The following ERICH3 variants were observed in gnomAD, a reference collection of about 807,000 sequenced individuals.
The protein encoded by ERICH3 is glutamate-rich protein 3.
ERICH3 carries 126 observed loss-of-function variants against 131.1 expected under a neutral mutation model. The ratio of observed to expected loss-of-function variants is 0.96; its 90% CI spans 0.83 to 1.11. The LOEUF is 1.11. Among genes scored for constraint, ERICH3 ranks in the 50% most tolerant of loss-of-function variants. The probability of loss-of-function intolerance (pLI) is 0.00; values close to 1 mark genes in which losing one functional copy is unlikely to be tolerated. For missense variants in ERICH3, 2,050 were observed against 1,810.7 expected, an observed-to-expected ratio of 1.13 and a Z score of -2.40; for synonymous variants, 695 against 644.6, an observed-to-expected ratio of 1.08 and a Z score of -1.18.
intron 4 of ERICH3, among the ~76,000 whole-genome samples, 179 bp from the exon 5 acceptor site, chr1:74,641,638 T>C (rs537267178): frequency 3.6e-4 from 55 of 152,226 alleles, no homozygotes; most frequent in African/African-American, 1.1e-3. Context: ...GCTTTAGTTG[T>C]GCTCAAAGAA....
Position 74,571,646 on chromosome 1 carries a change from T to C in ERICH3, c.4064A>G (p.Glu1355Gly). ...CGAACCTGCCAACACCTCCCTCTCC[T>C]CTGCGGCTGTTTCTGCCGTTTCACC... is the stretch of plus-strand genomic sequence containing the variant. ...GGGETAETAA[E>G]EREVLAGSET... The change falls in exon 14 of 15, where the codon GAG becomes GGG. Residue 1355 changes from glutamate to glycine, a missense_variant. By Grantham distance (98) the Glu-to-Gly change is moderately conservative (BLOSUM62 -2). Coordinates refer to ENST00000326665, the MANE Select transcript of ERICH3 (RefSeq NM_001002912.5). 1 of 1,614,178 alleles carries C rather than the reference T, an allele frequency of 6.2e-7. No homozygotes were observed. The highest frequency in any genetic ancestry group is 8.5e-7 in the Non-Finnish European group (1 of 1,180,032).
intron 8 of ERICH3, among the ~76,000 whole-genome samples, chr1:74,614,386 A>AAAAAAAT (rs1557684072): frequency 6.6e-6 from 1 of 151,120 alleles, no homozygotes; most frequent in Non-Finnish European, 1.5e-5. Flanking sequence ...AAAAAAAAAA[A>AAAAAAAT]AAACTCGGCC....
chr1:74,585,308 C>G (rs1424356650), intron 12 of ERICH3, among the ~76,000 whole-genome samples: 1 of 152,118 alleles, frequency 6.6e-6, no homozygotes, highest in East Asian at 1.9e-4. Context: ...TTGCAGCTAG[C>G]AATTATAATC....
chr1:74,572,893 C>A lies in ERICH3; in HGVS notation c.2817G>T (p.Val939=). The A allele has an allele frequency of 6.2e-7, 1 of 1,614,054 alleles. No individual in the cohort carries two copies. Among genetic ancestry groups the A allele is most frequent in the Non-Finnish European group, 8.5e-7 (1 of 1,180,016 alleles). Residue 939 remains valine, a synonymous_variant, in exon 14 of 15, where the codon GTG becomes GTT. Transcript: ENST00000326665. ...CCTCTTCACTTTCTCCGACATCACT[C>A]ACAGCCACCCCACCCTCAGCCTCTC... The part of the protein sequence containing the change: ...EEGEAEGGVA[V]SDVGESEEEA...
chr1:74,666,614 G>C (rs960542614), intron 1 of ERICH3, among the ~76,000 whole-genome samples: 4 of 152,146 alleles, frequency 2.6e-5, no homozygotes, highest in African/African-American at 9.7e-5. Context: ...TGAAGGATGT[G>C]TTTCTTTACT....
intron 8 of ERICH3, among the ~76,000 whole-genome samples, chr1:74,613,414 G>A (rs541366648): frequency 1.1e-4 from 16 of 152,310 alleles, no homozygotes; most frequent in Admixed American, 5.9e-4. Flanking sequence ...CATACAGTGA[G>A]TTGGGGAGTT....
At position 74,611,739 on chromosome 1, in the gene ERICH3, AT is replaced by A. The variant is rs539039036; in HGVS notation, c.1187+883del. 4.6e-5 allele frequency among the ~76,000 whole-genome samples: 7 copies of A among 152,078 alleles called. No homozygotes were observed. The South Asian group carries it at 1.0e-3, about 23-fold the overall frequency. The stretch of plus-strand genomic sequence containing the variant: ...TCTCAAAAGCTATTTCAAGAAAGAA[AT>A]TTTTTTTCTGGTTTCTGTTCAAAAG... On this transcript the variant is annotated intron_variant, in intron 9 of 14. Coordinates refer to ENST00000326665, the MANE Select transcript of ERICH3 (RefSeq NM_001002912.5).
intron 9 of ERICH3, among the ~76,000 whole-genome samples, chr1:74,611,809 A>T (rs1355612703): frequency 6.6e-6 from 1 of 152,166 alleles, no homozygotes; most frequent in African/African-American, 2.4e-5. Flanking sequence ...TGCATAAAAT[A>T]ACACACTCCC....
At chr1:74,581,037 G>A (rs1647168475) in intron 12 of ERICH3, among the ~76,000 whole-genome samples, 1 of 152,046 alleles carries the variant, frequency 6.6e-6, no homozygotes, top group East Asian at 1.9e-4. Context: ...TTGTTTTCCT[G>A]TATAGTCGTA....
chr1:74,668,120 C>T (rs912790370), intron 1 of ERICH3, among the ~76,000 whole-genome samples: 4 of 152,112 alleles, frequency 2.6e-5, no homozygotes, highest in Non-Finnish European at 4.4e-5. Flanking sequence ...TTATAAATTA[C>T]CCAGTGTCAG....
intron 1 of ERICH3, among the ~76,000 whole-genome samples, chr1:74,670,129 A>G (rs1184305232): frequency 1.3e-5 from 2 of 152,272 alleles, no homozygotes; most frequent in African/African-American, 4.8e-5. Context: ...GATTTGTTGT[A>G]TTTGTGCTTA....
At position 74,642,976 on chromosome 1, in the gene ERICH3, A is replaced by T. The variant is rs576156356; in HGVS notation, c.315+51T>A. 236 of 1,349,936 alleles carry T rather than the reference A, an allele frequency of 1.7e-4. No homozygotes were observed. The East Asian group carries it at 2.9e-3, about 17-fold the overall frequency. The allele number at this position is 1,349,936 out of a possible 1,614,324, so 83.6% of individuals were successfully genotyped here. A position where few individuals can be genotyped will look rare whatever the true frequency, so the allele number is the denominator to read the frequency against. Reference sequence around the variant, plus strand: ...GAATCATAGTTTCACTGTTTTTTTTAAAATCATAAAATAATACTATGAAGT... The same window carrying T: ...GAATCATAGTTTCACTGTTTTTTTTTAAATCATAAAATAATACTATGAAGT... On this transcript the variant is annotated intron_variant, in intron 4 of 14. Transcript: ENST00000326665.
chr1:74,601,024 G>C (rs992807247), intron 10 of ERICH3, among the ~76,000 whole-genome samples: 2 of 151,490 alleles, frequency 1.3e-5, no homozygotes, highest in African/African-American at 4.8e-5. Context: ...GAGGATGAGG[G>C]AGATGTAAGG....
intron 1 of ERICH3, among the ~76,000 whole-genome samples, chr1:74,654,577 C>T (rs547711674): frequency 2.0e-5 from 3 of 152,150 alleles, no homozygotes; most frequent in South Asian, 4.1e-4. Flanking sequence ...GTCTTCTCAT[C>T]GTGTCCTCAT....
chr1:74,668,887 G>T (rs1646715835), intron 1 of ERICH3, among the ~76,000 whole-genome samples: 1 of 152,122 alleles, frequency 6.6e-6, no homozygotes, highest in Non-Finnish European at 1.5e-5. Flanking sequence ...AATTCTGTGT[G>T]AAAGAGATAA....
chr1:74,613,546 A>G (rs551983482), intron 8 of ERICH3, among the ~76,000 whole-genome samples: 1 of 152,294 alleles, frequency 6.6e-6, no homozygotes, highest in South Asian at 2.1e-4. Context: ...AAATGCTTTT[A>G]TTTTTAGTTG....
chr1:74,658,659 C>G (rs1292793510), intron 1 of ERICH3, among the ~76,000 whole-genome samples: 1 of 152,056 alleles, frequency 6.6e-6, no homozygotes, highest in African/African-American at 2.4e-5. Context: ...TTTTTTTCCA[C>G]TAAAGGTTAG....
intron 14 of ERICH3, among the ~76,000 whole-genome samples, 191 bp from the exon 15 acceptor site, chr1:74,570,630 A>C (rs1448131249): frequency 1.3e-5 from 2 of 152,334 alleles, no homozygotes; most frequent in East Asian, 3.9e-4. Context: ...TTATATATGT[A>C]AAAACTTTGC....
chr1:74,673,456 G>A (rs1218941624), intron 1 of ERICH3, 41 bp downstream of exon 1: 6 of 1,606,588 alleles, frequency 3.7e-6, no homozygotes, highest in African/African-American at 2.7e-5. Flanking sequence ...GGCTGAAGCC[G>A]CCACCTGCCA....
Sources: gnomAD v4.1 joint callset for allele counts (sites outside exome capture counted in the v4.1 genomes callset) on GRCh38, gnomAD v4.1.1 for gene constraint, MANE v1.5 for transcripts, NCBI Gene and HGNC (gene_info 2026-07-23, HGNC 2026-07-21) for gene names.